CSDE1: variants seen among roughly 807,000 people sequenced by gnomAD.
CSDE1 encodes the protein cold shock domain containing E1.
A neutral mutation model predicts 89.3 loss-of-function variants in CSDE1; 17 were observed. The observed-to-expected ratio is 0.19, with a 90% confidence interval of 0.13 to 0.29. The LOEUF is 0.29. CSDE1 is among the 10% of genes least tolerant of loss of function. CSDE1 has a pLI of 1.00. For synonymous variants in CSDE1, 322 were observed against 332.8 expected (o/e 0.97, Z 0.35); for missense variants, 672 against 984.2 (o/e 0.68, Z 4.24).
chr1:114,752,470 C>T (rs972326004), intron 1 of CSDE1, among the ~76,000 whole-genome samples: 1 of 152,070 alleles, frequency 6.6e-6, no homozygotes, highest in African/African-American at 2.4e-5. Context: ...CTTGTTATCT[C>T]CCCCCAACCC....
At chr1:114,751,684 G>C (rs1465619144) in intron 1 of CSDE1, among the ~76,000 whole-genome samples, 1 of 149,786 alleles carries the variant, frequency 6.7e-6, no homozygotes, top group East Asian at 1.9e-4. Context: ...TCAAATACTT[G>C]GGAAGCTTTA....
intron 2 of CSDE1, among the ~76,000 whole-genome samples, chr1:114,745,081 G>GT (rs1558005998): frequency 6.6e-6 from 1 of 151,946 alleles, no homozygotes; most frequent in African/African-American, 2.4e-5. Context: ...TAGCAAAGAC[G>GT]TAAGATTTTA....
At chr1:114,721,334 A>G (rs764443930) in intron 16 of CSDE1, among the ~76,000 whole-genome samples, 11 of 152,218 alleles carry the variant, frequency 7.2e-5, no homozygotes, top group African/African-American at 2.2e-4. Flanking sequence ...ACGAAAAACA[A>G]TATGTAAACA....
At chr1:114,718,866 G>T in intron 18 of CSDE1, 121 bp from the exon 19 acceptor site, 2 of 1,044,108 alleles carry the variant, frequency 1.9e-6, no homozygotes, top group Non-Finnish European at 2.8e-6. Flanking sequence ...TGGGACTCTT[G>T]CCTCATATAC....
chr1:114,750,856 C>A (rs929744024), intron 1 of CSDE1, among the ~76,000 whole-genome samples: 4 of 152,180 alleles, frequency 2.6e-5, no homozygotes, highest in Non-Finnish European at 5.9e-5. Context: ...CCACTAAATT[C>A]TTTCTTCAGA....
chr1:114,721,002 C>G (rs1183205609), intron 16 of CSDE1, among the ~76,000 whole-genome samples: 1 of 152,186 alleles, frequency 6.6e-6, no homozygotes, highest in Non-Finnish European at 1.5e-5. Context: ...CATTTACAAT[C>G]CCATTGCCTA....
intron 1 of CSDE1, among the ~76,000 whole-genome samples, chr1:114,752,000 C>T (rs1434279186): frequency 6.6e-6 from 1 of 152,216 alleles, no homozygotes; most frequent in African/African-American, 2.4e-5. Flanking sequence ...TGAGTTGGCT[C>T]ACGCCTGTAA....
chr1:114,738,071 A>G lies in CSDE1; in HGVS notation c.201T>C (p.Asp67=). Residue 67 remains aspartate, a splice_region_variant and synonymous_variant, in exon 4 of 20, where the codon GAT becomes GAC. Transcript: ENST00000358528. ...CCGATGATACTTCAAATTCAACATC[A>G]TCTAAAAATAAATAATGTGTTATGT... ...NGNLQDLKVG[D]DVEFEVSSDR... The G allele has an allele frequency of 1.2e-6, 2 of 1,608,216 alleles. No homozygotes were observed. Among genetic ancestry groups the G allele is most frequent in the Non-Finnish European group, 1.7e-6 (2 of 1,174,588 alleles).
chr1:114,731,846 CCT>C (rs1160396214), intron 10 of CSDE1, among the ~76,000 whole-genome samples: 1 of 152,168 alleles, frequency 6.6e-6, no homozygotes, highest in African/African-American at 2.4e-5. Context: ...AGACAGTCTT[CCT>C]CTGTCACCCA....
chr1:114,737,411 G>C (rs1660463647), intron 5 of CSDE1, 60 bp downstream of exon 5: 1 of 1,302,870 alleles, frequency 7.7e-7, no homozygotes, highest in African/African-American at 1.5e-5. Flanking sequence ...GAATTTTAAA[G>C]TACGCTTATA....
chr1:114,733,376 A>AT (rs1660208597), intron 9 of CSDE1, among the ~76,000 whole-genome samples: 1 of 152,090 alleles, frequency 6.6e-6, no homozygotes, highest in South Asian at 2.1e-4. Context: ...GAATACAAAA[A>AT]TTAGCTGGGT....
intron 18 of CSDE1, 130 bp downstream of exon 18, chr1:114,719,449 G>C: frequency 1.0e-6 from 1 of 973,558 alleles, no homozygotes; most frequent in Non-Finnish European, 1.5e-6. Flanking sequence ...TATTCAACTA[G>C]AAGTAGGAAG....
At chr1:114,736,569 C>T (rs1660413242) in intron 6 of CSDE1, among the ~76,000 whole-genome samples, 189 bp downstream of exon 6, 1 of 149,972 alleles carries the variant, frequency 6.7e-6, no homozygotes, top group Admixed American at 6.6e-5. Context: ...TAATTATCAT[C>T]TTCCTCTGAG....
intron 17 of CSDE1, 182 bp downstream of exon 17, chr1:114,720,357 A>G: frequency 1.8e-6 from 1 of 567,166 alleles, no homozygotes; most frequent in South Asian, 2.7e-5. Flanking sequence ...CATTGCTAAT[A>G]TAGTCACTTT....
intron 16 of CSDE1, among the ~76,000 whole-genome samples, chr1:114,723,637 A>AT (rs1659645036): frequency 6.6e-6 from 1 of 152,238 alleles, no homozygotes; most frequent in Non-Finnish European, 1.5e-5. Context: ...CTATCTCAAT[A>AT]TAACTCATAG....
At chr1:114,724,278 G>C (rs986496244) in intron 15 of CSDE1, 3 of 244,534 alleles carry the variant, frequency 1.2e-5, no homozygotes, top group African/African-American at 6.9e-5. Flanking sequence ...AACATGCCTT[G>C]ATCTCTTACT....
chr1:114,722,010 T>C (rs1659552911), intron 16 of CSDE1, among the ~76,000 whole-genome samples: 1 of 151,656 alleles, frequency 6.6e-6, no homozygotes, highest in Admixed American at 6.6e-5. Flanking sequence ...GCCTCTGAAG[T>C]AGCTGGGATT....
rs142765084 is a variant in CSDE1 at position 114,723,991 on chromosome 1, T to C, written c.1765A>G (p.Thr589Ala). ...VNKTHSVNGI[T>A]EEADPTIYSG... The stretch of plus-strand genomic sequence containing the variant: ...TAAATGGTGGGATCAGCTTCCTCAG[T>C]AATGCCATTCACTACAAAACAAAGG... The change falls in exon 16 of 20, where the codon ACT becomes GCT. Residue 589 changes from threonine (T) to alanine (A), a missense_variant. Thr to Ala is a moderately conservative substitution (Grantham distance 58, BLOSUM62 0). Around this residue, in one of 8 missense-constraint regions of CSDE1, gnomAD observed 206 missense variants for 332.4 expected, o/e 0.62. Coordinates refer to ENST00000358528, the MANE Select transcript of CSDE1 (RefSeq NM_001007553.3). The C allele has an allele frequency of 1.9e-6, 3 of 1,613,564 alleles. No individual in the cohort carries two copies. The highest frequency in any genetic ancestry group is 2.5e-6 in the Non-Finnish European group (3 of 1,179,742).
At chr1:114,732,522 A>C (rs1660159119) in intron 10 of CSDE1, 82 bp downstream of exon 10, 1 of 1,343,778 alleles carries the variant, frequency 7.4e-7, no homozygotes, top group Non-Finnish European at 1.1e-6. Context: ...ACTTAAGAAA[A>C]ATTTTAATTT....
Sources: gnomAD v4.1 joint callset for allele counts (sites outside exome capture counted in the v4.1 genomes callset) on GRCh38, gnomAD v4.1.1 for gene constraint, gnomAD v4.1.1 regional missense constraint, MANE v1.5 for transcripts, NCBI Gene and HGNC (gene_info 2026-07-23, HGNC 2026-07-21) for gene names.